The following SERINC2 variants were observed in gnomAD, a reference collection of about 807,000 sequenced individuals.
The protein encoded by SERINC2 is serine incorporator 2.
In SERINC2, 56 loss-of-function variants were observed where a neutral mutation model predicts 54.2. The observed-to-expected ratio is 1.03, with a 90% CI of 0.83 to 1.29. The LOEUF (loss-of-function observed/expected upper bound fraction) is 1.29. SERINC2 is among the 50% of genes most tolerant of loss of function. The probability of loss-of-function intolerance (pLI) is 0.00; values close to 1 mark genes in which losing one functional copy is unlikely to be tolerated. For synonymous variants in SERINC2, 272 were observed against 253.1 expected (o/e 1.07, Z -0.71); for missense variants, 614 against 607.4 (o/e 1.01, Z -0.12).
chr1:31,415,821 A>T, intron 1 of SERINC2: 2 of 981,546 alleles, frequency 2.0e-6, no homozygotes, highest in Non-Finnish European at 2.4e-6. Flanking sequence ...GTCAGTGGGG[A>T]AGATTTTTGT....
At position 31,423,773 on chromosome 1, in the gene SERINC2, C is replaced by A; in HGVS notation, c.120C>A (p.Leu40=). The change falls in exon 2 of 10, where the codon CTC becomes CTA. Residue 40 remains leucine (L), a synonymous_variant. Transcript: ENST00000373709. ...PASRNSTVSR[L]IFTFFLFLGV... is the part of the protein sequence containing the mutation. ...GCCGCAACTCCACCGTGAGCCGCCT[C>A]ATCTTCACGTTCTTCCTCTTCCTGG... The A allele has an allele frequency of 6.2e-7, 1 of 1,613,998 alleles. No homozygotes were observed. Among genetic ancestry groups the A allele is most frequent in the South Asian group, 1.1e-5 (1 of 91,084 alleles).
At chr1:31,424,558 C>T in intron 2 of SERINC2, 125 bp from the exon 3 acceptor site, 3 of 759,868 alleles carry the variant, frequency 3.9e-6, no homozygotes, top group Admixed American at 3.0e-5. Context: ...CCTGTCTGGT[C>T]CAGCCCCTGC....
rs1641358703 is a variant in SERINC2, at chr1:31,432,958, C to T, written c.1014-9C>T. 1.2e-6 allele frequency: 2 copies of T among 1,601,650 alleles called. No individual in the cohort carries two copies. Among genetic ancestry groups the T allele is most frequent in the South Asian group, 2.2e-5 (2 of 89,938 alleles). On this transcript the variant is annotated splice_polypyrimidine_tract_variant and intron_variant, in intron 8 of 9. Transcript: ENST00000373709. Reference sequence around the variant, plus strand: ...TATCTATTTGCCCACCTTCCTCCCTCCCCTGCAGTCTGCGCTCCTCAGACC... The same window carrying T: ...TATCTATTTGCCCACCTTCCTCCCTTCCCTGCAGTCTGCGCTCCTCAGACC...
chr1:31,426,303 C>T (rs1228551079), intron 5 of SERINC2, among the ~76,000 whole-genome samples: 2 of 152,182 alleles, frequency 1.3e-5, no homozygotes, highest in African/African-American at 4.8e-5. Context: ...AGGAGAAAGG[C>T]TCACCTGGGT....
intron 6 of SERINC2, among the ~76,000 whole-genome samples, chr1:31,428,245 G>A (rs1005198169): frequency 2.0e-5 from 3 of 151,724 alleles, no homozygotes; most frequent in Non-Finnish European, 2.9e-5. Flanking sequence ...TTGCGATGTT[G>A]GCCAGGCTGG....
intron 8 of SERINC2, among the ~76,000 whole-genome samples, chr1:31,432,497 C>T (rs1165358981): frequency 3.3e-5 from 5 of 152,018 alleles, no homozygotes; most frequent in Non-Finnish European, 7.4e-5. Context: ...AAAATGGAAA[C>T]TTAAAATCAA....
At position 31,433,745 on chromosome 1, in the gene SERINC2, G is replaced by A. The variant is rs144468805; in HGVS notation, c.1233-319G>A. ...ATCAAAGGTCAGAATCAAGGGTAGCGGTCAGGACTAAGGTCAGGAGCTCCA... is the reference window on the plus strand; with the variant it reads ...ATCAAAGGTCAGAATCAAGGGTAGCAGTCAGGACTAAGGTCAGGAGCTCCA... On this transcript the variant is annotated intron_variant, in intron 9 of 9. Coordinates refer to ENST00000373709, the MANE Select transcript of SERINC2 (RefSeq NM_178865.5). Among the ~76,000 whole-genome samples, 967 of 152,220 alleles carry A rather than the reference G, an allele frequency of 6.4e-3. 12 individuals carry two copies. The highest frequency in any genetic ancestry group is 0.022 in the African/African-American group (904 of 41,528).
In SERINC2 at chr1:31,413,731, C is replaced by CATTAAAAAA; in HGVS notation, c.39+427_39+428insATTAAAAAA. On this transcript the variant is annotated intron_variant, in intron 1 of 9. Transcript: ENST00000373709. The surrounding 1 kb of genome is among the most constrained non-coding windows in gnomAD (Gnocchi z 5.0). ...TGTGTAGGTCGCCCGGGCCCCGTCCCTCCTGGCGAGTGCCCTGCCCTACCC... is the reference window on the plus strand; with the variant it reads ...TGTGTAGGTCGCCCGGGCCCCGTCCCATTAAAAAATCCTGGCGAGTGCCCTGCCCTACCC... 1 of 1,315,416 alleles carries CATTAAAAAA rather than the reference C, an allele frequency of 7.6e-7. No homozygotes were observed. The allele number at this position is 1,315,416 out of a possible 1,614,324, so 81.5% of individuals were successfully genotyped here.
At chr1:31,414,141 G>A (rs1640716762) in intron 1 of SERINC2, 1 of 1,415,762 alleles carries the variant, frequency 7.1e-7, no homozygotes, top group Non-Finnish European at 9.2e-7. Context: ...GGTGTGCGCG[G>A]GGAGTGCCCG....
At chr1:31,413,068 C>T (rs1570018958), upstream of SERINC2, 6 of 885,244 alleles carry the variant, frequency 6.8e-6, no homozygotes, top group Admixed American at 1.8e-4. The surrounding 1 kb of genome is among the most constrained non-coding windows in gnomAD (Gnocchi z 5.0). Flanking sequence ...GGCCCCTTCC[C>T]TAGGGTCCCT....
At chr1:31,429,178 C>T (rs950303474) in intron 7 of SERINC2, 110 bp downstream of exon 7, 10 of 1,082,216 alleles carry the variant, frequency 9.2e-6, no homozygotes, top group East Asian at 2.4e-5. Context: ...TGCTCCAGCC[C>T]ATTCTGAGAC....
chr1:31,433,264 G>T (rs1641376017), intron 9 of SERINC2, 79 bp downstream of exon 9: 1 of 1,238,084 alleles, frequency 8.1e-7, no homozygotes. Context: ...GCCCTTCACT[G>T]GGTTTTCCTG....
chr1:31,424,793 G>A lies in SERINC2; in HGVS notation c.312G>A (p.Thr104=), dbSNP rs782389423. 2.5e-6 allele frequency: 4 copies of A among 1,612,160 alleles called. No homozygotes were observed. Among genetic ancestry groups the A allele is most frequent in the Non-Finnish European group, 2.5e-6 (3 of 1,179,516 alleles). ...CTGTCTACCGCATGTGCTTCGCCAC[G>A]GCGGCCTTCTTCTTCTTTTTCACCC... ...YRAVYRMCFA[T]AAFFFFFTLL... Residue 104 remains threonine, a synonymous_variant, in exon 3 of 10, where the codon ACG becomes ACA. Transcript: ENST00000373709.
chr1:31,414,858 C>G, intron 1 of SERINC2: 8 of 796,620 alleles, frequency 1.0e-5, no homozygotes, highest in Non-Finnish European at 1.2e-5. Flanking sequence ...CCTTGGTCAC[C>G]CCATCTGGCA....
chr1:31,410,429 CCA>C, upstream of SERINC2: 1 of 1,550,278 alleles, frequency 6.5e-7, no homozygotes. Flanking sequence ...CCGGACCCAG[CCA>C]CACAGTGAGT....
At chr1:31,432,084 T>TAGGGTGGACAGGGTGGACAGGGTGGAC (rs1297998581) in intron 8 of SERINC2, among the ~76,000 whole-genome samples, 1 of 13,444 alleles carries the variant, frequency 7.4e-5, no homozygotes. Flanking sequence ...ACAGGGTGGT[T>TAGGGTGGACAGGGTGGACAGGGTGGAC]AGGGTGGACA....
chr1:31,432,939 T>C (rs782416396), intron 8 of SERINC2, 28 bp from the exon 9 acceptor site: 13 of 1,562,524 alleles, frequency 8.3e-6, no homozygotes, highest in African/African-American at 1.4e-5. Context: ...GAGCTATCTA[T>C]TTGCCCACCT....
At chr1:31,421,843 G>C (rs1640908354) in intron 1 of SERINC2, among the ~76,000 whole-genome samples, 1 of 149,338 alleles carries the variant, frequency 6.7e-6, no homozygotes, top group African/African-American at 2.6e-5. Flanking sequence ...ACCGCTGACT[G>C]TCTGCTCACC....
At chr1:31,415,949 G>A in intron 1 of SERINC2, 1 of 982,044 alleles carries the variant, frequency 1.0e-6, no homozygotes, top group Non-Finnish European at 1.2e-6. Context: ...GGGTCCACAG[G>A]GGATGGGGCC....
Sources: gnomAD v4.1 joint callset for allele counts (sites outside exome capture counted in the v4.1 genomes callset) on GRCh38, gnomAD v4.1.1 for gene constraint, Gnocchi (gnomAD v3.1) non-coding constraint, MANE v1.5 for transcripts, NCBI Gene and HGNC (gene_info 2026-07-23, HGNC 2026-07-21) for gene names.